The following GRK3 variants were observed in gnomAD, a reference collection of about 807,000 sequenced individuals.
GRK3 encodes the protein G protein-coupled receptor kinase 3.
A neutral mutation model predicts 95.7 loss-of-function variants in GRK3; 54 were observed. The observed-to-expected ratio is 0.56, with a 90% CI of 0.45 to 0.71. GRK3 has a LOEUF of 0.71. Ranked by LOEUF, GRK3 falls within the 30% of genes least tolerant of loss-of-function variation. The pLI is 0.00. For synonymous variants in GRK3, 281 were observed against 290.8 expected (o/e 0.97, Z 0.34); for missense variants, 649 against 851.2 (o/e 0.76, Z 2.96).
At chr22:25,633,109 G>A (rs1456614848) in intron 2 of GRK3, among the ~76,000 whole-genome samples, 1 of 151,776 alleles carries the variant, frequency 6.6e-6, no homozygotes, top group Non-Finnish European at 1.5e-5. Flanking sequence ...TAAAGACAGG[G>A]TGTCACCATG....
intron 13 of GRK3, among the ~76,000 whole-genome samples, chr22:25,696,902 C>T (rs2085213492): frequency 6.6e-6 from 1 of 152,234 alleles, no homozygotes; most frequent in African/African-American, 2.4e-5. Flanking sequence ...ATCAGACTAG[C>T]TGACCTAATT....
intron 1 of GRK3, 82 bp from the exon 2 acceptor site, chr22:25,604,295 A>C: frequency 1.0e-6 from 1 of 993,104 alleles, no homozygotes; most frequent in Non-Finnish European, 1.5e-6. Flanking sequence ...TGAAGTCAAG[A>C]CATCCGTATC....
intron 2 of GRK3, among the ~76,000 whole-genome samples, chr22:25,631,180 C>A (rs1394401772): frequency 6.6e-6 from 1 of 152,130 alleles, no homozygotes; most frequent in African/African-American, 2.4e-5. Context: ...TAGCTATATG[C>A]TTTTTTCTTT....
At position 25,594,771 on chromosome 22, in the gene GRK3, G is replaced by A. The variant is rs1237827722; in HGVS notation, c.114-9606G>A. Among the ~76,000 whole-genome samples the A allele has an allele frequency of 1.1e-4, 17 of 152,042 alleles. No individual in the cohort carries two copies. In the South Asian group the frequency reaches 2.5e-3, roughly 22 times the overall value. On this transcript the variant is annotated intron_variant, in intron 1 of 20. Transcript: ENST00000324198. ...TGGGCACCTGTAGTCCCAGGTACTC[G>A]GGAGGCTGAGGCAGGAGAATGGCGT...
intron 3 of GRK3, among the ~76,000 whole-genome samples, chr22:25,659,666 A>G (rs972780992): frequency 2.0e-5 from 3 of 152,210 alleles, no homozygotes; most frequent in African/African-American, 7.2e-5. Flanking sequence ...GTTTAGAGCT[A>G]TTGGTAGTCG....
Position 25,612,251 on chromosome 22 carries a change from A to G in GRK3, c.190+7798A>G, listed in dbSNP as rs951381072. Among the ~76,000 whole-genome samples, 4 of 152,064 alleles carry G rather than the reference A, an allele frequency of 2.6e-5. No homozygotes were observed. In the East Asian group the frequency reaches 5.8e-4, roughly 22 times the overall value. Reference sequence around the variant, plus strand: ...TCTTGGTCTGTGGTCGAATTTGAGTATATTTTTGTCTGTGGTGTAAAGCAA... The same window carrying G: ...TCTTGGTCTGTGGTCGAATTTGAGTGTATTTTTGTCTGTGGTGTAAAGCAA... On this transcript the variant is annotated intron_variant, in intron 2 of 20. Transcript: ENST00000324198.
intron 2 of GRK3, among the ~76,000 whole-genome samples, chr22:25,636,321 T>C (rs1358408893): frequency 6.6e-6 from 1 of 152,222 alleles, no homozygotes; most frequent in Non-Finnish European, 1.5e-5. Flanking sequence ...TGTGTATGTG[T>C]ACGTGTTCAC....
chr22:25,592,390 T>C (rs1183323521), intron 1 of GRK3, among the ~76,000 whole-genome samples: 2 of 152,192 alleles, frequency 1.3e-5, no homozygotes, highest in Non-Finnish European at 2.9e-5. Context: ...TTCAATTGGA[T>C]AGATGGTTTG....
chr22:25,659,602 A>G (rs1164756362), intron 3 of GRK3, among the ~76,000 whole-genome samples: 1 of 152,184 alleles, frequency 6.6e-6, no homozygotes, highest in Non-Finnish European at 1.5e-5. Context: ...TGGACAACCA[A>G]ACTTCCGGGG....
In GRK3 at chr22:25,569,608, G is replaced by C. The variant is rs189308814; in HGVS notation, c.113+4455G>C. On this transcript the variant is annotated intron_variant, in intron 1 of 20. Transcript: ENST00000324198. ...GGAAACTATCCGACGAAGGTGTCAA[G>C]GCTTGAGGAAGGGAAGCACAGGTCT... Among the ~76,000 whole-genome samples, 12 of 152,316 alleles carry C rather than the reference G, an allele frequency of 7.9e-5. No individual in the cohort carries two copies. The East Asian group carries it at 2.3e-3, about 29-fold the overall frequency.
chr22:25,710,812 T>C (rs2085338160), intron 16 of GRK3, among the ~76,000 whole-genome samples: 1 of 152,254 alleles, frequency 6.6e-6, no homozygotes, highest in Non-Finnish European at 1.5e-5. Context: ...TTTGTTATAT[T>C]TGAAAATTAT....
intron 1 of GRK3, among the ~76,000 whole-genome samples, chr22:25,590,229 G>A (rs1932446926): frequency 6.6e-6 from 1 of 151,808 alleles, no homozygotes; most frequent in Admixed American, 6.6e-5. Context: ...ATACAAAAGT[G>A]AAAGTGGAAT....
At chr22:25,591,705 C>G (rs1932497702) in intron 1 of GRK3, among the ~76,000 whole-genome samples, 2 of 152,176 alleles carry the variant, frequency 1.3e-5, no homozygotes, top group Admixed American at 1.3e-4. Context: ...CATGCACCAT[C>G]CTTAAAAGTT....
chr22:25,573,231 G>A (rs1160222509), intron 1 of GRK3, among the ~76,000 whole-genome samples: 1 of 152,148 alleles, frequency 6.6e-6, no homozygotes, highest in Non-Finnish European at 1.5e-5. Flanking sequence ...ACATTACTGA[G>A]CTGAGTAAGA....
intron 12 of GRK3, among the ~76,000 whole-genome samples, chr22:25,694,177 TG>T (rs541033026): frequency 5.9e-5 from 9 of 152,324 alleles, no homozygotes; most frequent in Admixed American, 5.9e-4. Flanking sequence ...ATGACGTTTG[TG>T]CAGTGCTCAC....
intron 15 of GRK3, among the ~76,000 whole-genome samples, chr22:25,708,066 T>C (rs1337716804): frequency 1.3e-5 from 2 of 151,946 alleles, no homozygotes; most frequent in Admixed American, 6.6e-5. Flanking sequence ...TGAAACCCCA[T>C]CTCTACTAAA....
At chr22:25,718,893 T>A (rs1226331869) in intron 19 of GRK3, among the ~76,000 whole-genome samples, 1 of 152,034 alleles carries the variant, frequency 6.6e-6, no homozygotes, top group Non-Finnish European at 1.5e-5. Context: ...GAAAAAGAAA[T>A]TTAAAATAAC....
In GRK3 at chr22:25,581,237, C is replaced by G. The variant is rs181343147; in HGVS notation, c.113+16084C>G. The G allele has an allele frequency of 5.9e-5, 9 of 152,280 alleles. No individual in the cohort carries two copies. The East Asian group carries it at 1.7e-3, about 29-fold the overall frequency. 9.4% of individuals were successfully genotyped at this position (152,280 alleles called of 1,614,324 possible). The stretch of plus-strand genomic sequence containing the variant: ...GGTCTAGGTGTTCACTATATTATAT[C>G]CTTTTGCATGTTTGAAAACTTTTGC... On this transcript the variant is annotated intron_variant, in intron 1 of 20. Coordinates refer to ENST00000324198, the MANE Select transcript of GRK3 (RefSeq NM_005160.4).
rs1454761743 is a variant in GRK3 at position 25,695,141 on chromosome 22, C to T, written c.1087C>T (p.Gln363Ter). The change falls in exon 13 of 21, where the codon CAG becomes TAG. Residue 363 changes from glutamine (Q) to a stop codon, truncating the protein, a stop_gained. Coordinates refer to ENST00000324198, the MANE Select transcript of GRK3 (RefSeq NM_005160.4). LOFTEE classifies it high-confidence loss of function. ...TGGGTACATGGCTCCCGAGGTGCTGCAGAAGGGGACGGCCTATGACAGCAG... is the reference window on the plus strand; with the variant it reads ...TGGGTACATGGCTCCCGAGGTGCTGTAGAAGGGGACGGCCTATGACAGCAG... ...THGYMAPEVL[Q>*]KGTAYDSSAD... 1 of 1,614,078 alleles carries T rather than the reference C, an allele frequency of 6.2e-7. No homozygotes were observed. Among genetic ancestry groups the T allele is most frequent in the Non-Finnish European group, 8.5e-7 (1 of 1,179,966 alleles).
Sources: allele counts gnomAD v4.1 joint callset (sites outside exome capture counted in the v4.1 genomes callset), GRCh38; gene constraint gnomAD v4.1.1; transcripts MANE v1.5; gene names NCBI Gene and HGNC (gene_info 2026-07-23, HGNC 2026-07-21).